Variants in AIG1 observed in about 807,000 individuals in gnomAD.
AIG1 encodes androgen induced 1.
In AIG1, 23 loss-of-function variants were observed where a neutral mutation model predicts 31.4. That is an observed-to-expected ratio of 0.73 (90% CI 0.53 to 1.04). The LOEUF is 1.04. Among genes scored for constraint, AIG1 ranks in the 50% least tolerant of loss-of-function variants. The pLI, the probability that AIG1 is intolerant of heterozygous loss-of-function variation, is 0.00. For missense variants in AIG1, 274 were observed against 295.0 expected (o/e 0.93, Z 0.52); for synonymous variants, 100 against 110.5 (o/e 0.90, Z 0.60).
chr6:143,136,129 G>C (rs1301155739), intron 1 of AIG1, among the ~76,000 whole-genome samples: 1 of 152,110 alleles, frequency 6.6e-6, no homozygotes, highest in Non-Finnish European at 1.5e-5. Context: ...GGCGGTTAGA[G>C]AAATTGTATG....
chr6:143,311,146 A>G (rs1775240042), intron 4 of AIG1, among the ~76,000 whole-genome samples: 1 of 151,950 alleles, frequency 6.6e-6, no homozygotes, highest in African/African-American at 2.4e-5. Flanking sequence ...ACATTACAAG[A>G]AAGAAAACTT....
At chr6:143,227,559 TA>T (rs1793088122) in intron 3 of AIG1, among the ~76,000 whole-genome samples, 1 of 152,150 alleles carries the variant, frequency 6.6e-6, no homozygotes, top group Admixed American at 6.5e-5. Flanking sequence ...TTTTAGGGCC[TA>T]AAATATTCCA....
chr6:143,081,945 C>G (rs1430719765), intron 1 of AIG1, among the ~76,000 whole-genome samples: 2 of 152,006 alleles, frequency 1.3e-5, no homozygotes, highest in Non-Finnish European at 1.5e-5. Context: ...TGGCGATTCC[C>G]TATATTTCCC....
chr6:143,265,184 A>G (rs1362242424), intron 3 of AIG1, among the ~76,000 whole-genome samples: 3 of 150,286 alleles, frequency 2.0e-5, no homozygotes, highest in African/African-American at 4.9e-5. Context: ...TGGCAGTTTC[A>G]TTGTTGTGGA....
intron 1 of AIG1, among the ~76,000 whole-genome samples, chr6:143,073,605 T>C (rs1451577783): frequency 6.6e-6 from 1 of 152,224 alleles, no homozygotes; most frequent in African/African-American, 2.4e-5. Flanking sequence ...ATAGTGGTTT[T>C]GGTTTTCATT....
Position 143,334,999 on chromosome 6 carries a change from ATTC to A in AIG1, c.679+1557_679+1559del. 1 of 1,055,448 alleles carries A rather than the reference ATTC, an allele frequency of 9.5e-7. No homozygotes were observed. Among genetic ancestry groups the A allele is most frequent in the Non-Finnish European group, 1.3e-6 (1 of 772,328 alleles). The allele number at this position is 1,055,448 out of a possible 1,614,324, so 65.4% of individuals were successfully genotyped here. ...TTGAATGATTTGTTTAATTTATGCCATTCTTTTAAGTAACATAAGATTGACTAA... is the reference window on the plus strand; with the variant it reads ...TTGAATGATTTGTTTAATTTATGCCATTTTAAGTAACATAAGATTGACTAA... On this transcript the variant is annotated intron_variant, in intron 5 of 5. Transcript: ENST00000357847. The surrounding 1 kb of genome is among the most constrained non-coding windows in gnomAD (Gnocchi z 5.1).
chr6:143,236,421 C>A (rs1793811103), intron 3 of AIG1, among the ~76,000 whole-genome samples: 1 of 152,274 alleles, frequency 6.6e-6, no homozygotes, highest in Admixed American at 6.5e-5. Context: ...TGTCCCTTCA[C>A]AGGTGCACTG....
At chr6:143,213,508 C>CTTTTTTTT (rs746350692) in intron 3 of AIG1, among the ~76,000 whole-genome samples, 48 of 61,190 alleles carry the variant, frequency 7.8e-4, no homozygotes, top group Non-Finnish European at 9.4e-4. Context: ...TTTCTTTCTT[C>CTTTTTTTT]TTTTTTTTTT....
At position 143,326,829 on chromosome 6, in the gene AIG1, A is replaced by C. The variant is rs1776652066; in HGVS notation, c.516-6453A>C. On this transcript the variant is annotated intron_variant, in intron 4 of 5. Coordinates refer to ENST00000357847, the MANE Select transcript of AIG1 (RefSeq NM_016108.4). This position sits in a 1 kb window ranked among gnomAD's most constrained non-coding sequence, Gnocchi z 4.5. ...CCCACATTGCAGGAGGGAACATGACAAGATCAAGGAACCAAATGAAAGCCA... is the reference window on the plus strand; with the variant it reads ...CCCACATTGCAGGAGGGAACATGACCAGATCAAGGAACCAAATGAAAGCCA... Among the ~76,000 whole-genome samples, 1 of 152,214 alleles carries C rather than the reference A, an allele frequency of 6.6e-6. No individual in the cohort carries two copies. Among genetic ancestry groups the C allele is most frequent in the African/African-American group, 2.4e-5 (1 of 41,450 alleles).
intron 3 of AIG1, among the ~76,000 whole-genome samples, chr6:143,181,297 C>T (rs542067092): frequency 2.0e-5 from 3 of 152,298 alleles, no homozygotes; most frequent in Admixed American, 1.3e-4. Flanking sequence ...CTCTAGGACT[C>T]TCAAATGGAC....
At chr6:143,226,937 G>T (rs929781792) in intron 3 of AIG1, among the ~76,000 whole-genome samples, 1 of 149,800 alleles carries the variant, frequency 6.7e-6, no homozygotes, top group Non-Finnish European at 1.5e-5. Context: ...AGCTTTGAAT[G>T]CTACCCAACA....
intron 1 of AIG1, 99 bp downstream of exon 1, chr6:143,061,165 C>A (rs1349133632): frequency 2.8e-6 from 4 of 1,423,042 alleles, no homozygotes; most frequent in Middle Eastern, 1.8e-4. Context: ...CGAGCACCTG[C>A]GCACGTGCGC....
chr6:143,223,442 A>G (rs527247016), intron 3 of AIG1, among the ~76,000 whole-genome samples: 4 of 152,230 alleles, frequency 2.6e-5, no homozygotes, highest in Non-Finnish European at 5.9e-5. Context: ...AAAAAAGGAC[A>G]AGACTAGTAA....
At chr6:143,201,555 C>T (rs946652302) in intron 3 of AIG1, among the ~76,000 whole-genome samples, 4 of 152,160 alleles carry the variant, frequency 2.6e-5, no homozygotes, top group African/African-American at 9.7e-5. Flanking sequence ...CACTTGGTTA[C>T]AGACAGGACT....
intron 4 of AIG1, among the ~76,000 whole-genome samples, chr6:143,316,328 T>C (rs889108318): frequency 6.6e-6 from 1 of 152,086 alleles, no homozygotes; most frequent in African/African-American, 2.4e-5. Flanking sequence ...CCACAATTTC[T>C]CCCATAGGGA....
At chr6:143,111,830 G>A (rs1304707852) in intron 1 of AIG1, among the ~76,000 whole-genome samples, 3 of 152,014 alleles carry the variant, frequency 2.0e-5, no homozygotes, top group Non-Finnish European at 4.4e-5. Flanking sequence ...CATCCAACTC[G>A]TCTTCCTCCT....
At chr6:143,337,503 A>G (rs1354740954) in intron 5 of AIG1, among the ~76,000 whole-genome samples, 1 of 151,534 alleles carries the variant, frequency 6.6e-6, no homozygotes, top group Non-Finnish European at 1.5e-5. Context: ...GCGGGGGGGG[A>G]CACAATTCAC....
intron 3 of AIG1, chr6:143,188,863 G>T: frequency 1.0e-6 from 1 of 985,268 alleles, no homozygotes; most frequent in Non-Finnish European, 1.2e-6. Context: ...TTTTCAATAA[G>T]AAATTTGGCA....
intron 2 of AIG1, among the ~76,000 whole-genome samples, chr6:143,163,650 C>T (rs3761997): frequency 0.24 from 37,143 of 152,024 alleles, 5,524 homozygotes; most frequent in East Asian, 0.76. Context: ...CTTCCTAGTA[C>T]GTTATCCACA....
Sources: gnomAD v4.1 joint callset for allele counts (sites outside exome capture counted in the v4.1 genomes callset) on GRCh38, gnomAD v4.1.1 for gene constraint, Gnocchi (gnomAD v3.1) non-coding constraint, MANE v1.5 for transcripts, NCBI Gene and HGNC (gene_info 2026-07-23, HGNC 2026-07-21) for gene names.